Variants in TLN2 observed in about 807,000 individuals in gnomAD.
TLN2 encodes the protein talin 2, also known as talin-2.
In TLN2, 118 loss-of-function variants were observed where a neutral mutation model predicts 294.7. The observed-to-expected ratio is 0.40, with a 90% CI of 0.34 to 0.47. TLN2 has a LOEUF of 0.47. TLN2 is among the 20% of genes least tolerant of loss of function. The pLI is 0.84. For synonymous variants in TLN2, 1,431 were observed against 1,304.5 expected, an observed-to-expected ratio of 1.10 and a Z score of -2.09; for missense variants, 3,083 against 3,282.2, an observed-to-expected ratio of 0.94 and a Z score of 1.48.
At chr15:62,634,833 GCT>G (rs1274493429) in intron 3 of TLN2, among the ~76,000 whole-genome samples, 2 of 152,216 alleles carry the variant, frequency 1.3e-5, no homozygotes, top group African/African-American at 4.8e-5. Context: ...CATCCACATG[GCT>G]TTCTGTAGTA....
chr15:62,737,325 G>A (rs1055737623), intron 29 of TLN2, among the ~76,000 whole-genome samples: 1 of 152,216 alleles, frequency 6.6e-6, no homozygotes, highest in Non-Finnish European at 1.5e-5. Context: ...GGGCATGGGG[G>A]CCTTTGAATT....
intron 54 of TLN2, among the ~76,000 whole-genome samples, chr15:62,820,975 C>T (rs1362234209): frequency 4.6e-5 from 7 of 152,112 alleles, no homozygotes; most frequent in Admixed American, 2.0e-4. Context: ...TTGCTTTTTA[C>T]AAAGAAATAG....
At chr15:62,708,828 G>A in intron 21 of TLN2, 32 bp downstream of exon 21, 1 of 1,574,254 alleles carries the variant, frequency 6.4e-7, no homozygotes, top group Non-Finnish European at 8.6e-7. Flanking sequence ...GGGTGGATGG[G>A]TGGCTTTTGA....
intron 26 of TLN2, 98 bp from the exon 27 acceptor site, chr15:62,724,878 A>G: frequency 2.1e-6 from 3 of 1,415,730 alleles, no homozygotes; most frequent in East Asian, 2.4e-5. Flanking sequence ...TTGGAGAATC[A>G]CTGGGTATAT....
At chr15:62,464,280 G>A (rs1000844691) in intron 1 of TLN2, among the ~76,000 whole-genome samples, 1 of 152,172 alleles carries the variant, frequency 6.6e-6, no homozygotes, top group Admixed American at 6.5e-5. Flanking sequence ...GCAGGGACAT[G>A]GATGAAGCTG....
chr15:62,597,480 A>G (rs1244277316), intron 2 of TLN2, among the ~76,000 whole-genome samples: 1 of 152,184 alleles, frequency 6.6e-6, no homozygotes, highest in African/African-American at 2.4e-5. Context: ...GCTAGCCTCC[A>G]GTTCTTCTGG....
At chr15:62,676,591 C>G (rs1007356696) in intron 11 of TLN2, among the ~76,000 whole-genome samples, 4 of 152,136 alleles carry the variant, frequency 2.6e-5, no homozygotes, top group African/African-American at 9.7e-5. Context: ...CTATCAACAA[C>G]CCAAGGGTAA....
intron 32 of TLN2, among the ~76,000 whole-genome samples, chr15:62,745,041 G>A (rs2061541415): frequency 6.6e-6 from 1 of 152,156 alleles, no homozygotes; most frequent in South Asian, 2.1e-4. Context: ...GAAGCACAAA[G>A]TGGTTGATTT....
chr15:62,609,768 G>A (rs1225967106), intron 2 of TLN2, among the ~76,000 whole-genome samples: 1 of 152,134 alleles, frequency 6.6e-6, no homozygotes, highest in Non-Finnish European at 1.5e-5. Flanking sequence ...CCTCTGGAAA[G>A]GTTATTCTCT....
chr15:62,548,896 AAAT>A (rs1351754654), intron 1 of TLN2, among the ~76,000 whole-genome samples: 4 of 152,186 alleles, frequency 2.6e-5, no homozygotes, highest in African/African-American at 9.7e-5. Context: ...ATCCTAGGGT[AAAT>A]AATCTTGAGG....
At chr15:62,780,642 T>G (rs1240737702) in intron 43 of TLN2, among the ~76,000 whole-genome samples, 1 of 152,208 alleles carries the variant, frequency 6.6e-6, no homozygotes, top group African/African-American at 2.4e-5. Flanking sequence ...TTCTAATTCC[T>G]TCTATTCCCC....
intron 1 of TLN2, among the ~76,000 whole-genome samples, chr15:62,439,225 G>A (rs1356081003): frequency 6.6e-6 from 1 of 152,186 alleles, no homozygotes; most frequent in Non-Finnish European, 1.5e-5. Flanking sequence ...ATCGATTGGA[G>A]TTGTCACATG....
chr15:62,418,367 T>C (rs1368870599), intron 1 of TLN2, among the ~76,000 whole-genome samples: 1 of 152,242 alleles, frequency 6.6e-6, no homozygotes, highest in Non-Finnish European at 1.5e-5. Flanking sequence ...GTTGCTCTTA[T>C]AGCTTCTGAT....
chr15:62,476,359 C>T (rs1219039052), intron 1 of TLN2: 1 of 152,322 alleles, frequency 6.6e-6, no homozygotes, highest in Non-Finnish European at 1.5e-5. Flanking sequence ...GGACTGGCCT[C>T]CTTGTCCCTC....
chr15:62,465,933 C>G (rs551512880), intron 1 of TLN2, among the ~76,000 whole-genome samples: 2 of 152,218 alleles, frequency 1.3e-5, no homozygotes, highest in South Asian at 4.2e-4. Context: ...TTGTAGAGTC[C>G]AGGAACTCCT....
At chr15:62,548,794 A>AATC (rs1421658927) in intron 1 of TLN2, among the ~76,000 whole-genome samples, 1 of 152,198 alleles carries the variant, frequency 6.6e-6, no homozygotes, top group Admixed American at 6.5e-5. Flanking sequence ...CCCAAAGGAA[A>AATC]ATCTATCCAG....
At chr15:62,519,738 C>T (rs561245687) in intron 1 of TLN2, among the ~76,000 whole-genome samples, 1 of 152,198 alleles carries the variant, frequency 6.6e-6, no homozygotes, top group Non-Finnish European at 1.5e-5. Flanking sequence ...AAATTGGCTA[C>T]ACAGTTTTCA....
intron 1 of TLN2, among the ~76,000 whole-genome samples, chr15:62,543,637 C>T (rs1383833220): frequency 2.6e-5 from 4 of 151,988 alleles, no homozygotes; most frequent in Non-Finnish European, 5.9e-5. Context: ...CGCCTGTAGT[C>T]CCAGCTACTG....
chr15:62,653,326 C>T lies in TLN2; in HGVS notation c.517+12C>T, dbSNP rs1398195705. 3 of 1,605,540 alleles carry T rather than the reference C, an allele frequency of 1.9e-6. No homozygotes were observed. The highest frequency in any genetic ancestry group is 2.5e-6 in the Non-Finnish European group (3 of 1,176,744). On this transcript the variant is annotated intron_variant, in intron 7 of 58. Coordinates refer to ENST00000636159, the MANE Select transcript of TLN2 (RefSeq NM_015059.3). ...CACAGATGATGACCGTAAGTGTTTG[C>T]AGAGGAAGCATGATACAGACACACA...
Sources: allele counts gnomAD v4.1 joint callset (sites outside exome capture counted in the v4.1 genomes callset), GRCh38; gene constraint gnomAD v4.1.1; transcripts MANE v1.5; gene names NCBI Gene and HGNC (gene_info 2026-07-23, HGNC 2026-07-21).